The following RBFOX1 variants were observed in gnomAD, a reference collection of about 807,000 sequenced individuals.
RBFOX1 encodes the protein RNA binding fox-1 homolog 1.
RBFOX1 carries 8 observed loss-of-function variants against 57.7 expected under a neutral mutation model. That is an observed-to-expected ratio of 0.14 (90% CI 0.08 to 0.25). RBFOX1 has a LOEUF of 0.25. RBFOX1 is among the 10% of genes least tolerant of loss of function. The probability of loss-of-function intolerance (pLI) is 1.00; values close to 1 mark genes in which losing one functional copy is unlikely to be tolerated. For synonymous variants in RBFOX1, 326 were observed against 222.4 expected, an observed-to-expected ratio of 1.47 and a Z score of -4.15; for missense variants, 611 against 548.5, an observed-to-expected ratio of 1.11 and a Z score of -1.14.
chr16:5,996,323 C>T (rs1049179976), intron 4 of RBFOX1, among the ~76,000 whole-genome samples: 1 of 152,166 alleles, frequency 6.6e-6, no homozygotes, highest in African/African-American at 2.4e-5. Flanking sequence ...GAAGGCATGC[C>T]TCTGATTTGA....
intron 4 of RBFOX1, among the ~76,000 whole-genome samples, chr16:7,306,839 T>C (rs1409157141): frequency 1.3e-5 from 2 of 152,138 alleles, no homozygotes; most frequent in Non-Finnish European, 2.9e-5. Flanking sequence ...GAGTGTGAAA[T>C]AGTTTAATCT....
At chr16:7,499,776 C>T (rs2070041188) in intron 4 of RBFOX1, among the ~76,000 whole-genome samples, 2 of 152,052 alleles carry the variant, frequency 1.3e-5, no homozygotes, top group Non-Finnish European at 2.9e-5. Flanking sequence ...TAATGTCGAT[C>T]AGCCTCAGTT....
At chr16:6,028,381 A>C (rs1317666819) in intron 1 of RBFOX1, among the ~76,000 whole-genome samples, 1 of 152,006 alleles carries the variant, frequency 6.6e-6, no homozygotes, top group Admixed American at 6.6e-5. Flanking sequence ...CCTCTCTTTA[A>C]GAACATGATG....
chr16:6,297,166 A>C (rs560888372), intron 1 of RBFOX1, among the ~76,000 whole-genome samples: 6 of 152,204 alleles, frequency 3.9e-5, no homozygotes, highest in Non-Finnish European at 7.4e-5. Context: ...TCGTTTTGGT[A>C]GGTTTTGGCC....
chr16:5,269,953 C>T (rs974404951), intron 1 of RBFOX1, among the ~76,000 whole-genome samples: 3 of 152,020 alleles, frequency 2.0e-5, no homozygotes, highest in Non-Finnish European at 2.9e-5. Flanking sequence ...CCAGGAGTTC[C>T]AGGCCAGCGT....
At chr16:6,346,229 G>T (rs2085344229) in intron 2 of RBFOX1, among the ~76,000 whole-genome samples, 1 of 152,076 alleles carries the variant, frequency 6.6e-6, no homozygotes, top group Non-Finnish European at 1.5e-5. Context: ...CCAATAATGA[G>T]CCCAAAACAA....
Position 7,264,918 on chromosome 16 carries a change from C to G in RBFOX1, c.27+212820C>G, listed in dbSNP as rs547882983. On this transcript the variant is annotated intron_variant, in intron 4 of 15. Coordinates refer to ENST00000550418, the MANE Select transcript of RBFOX1 (RefSeq NM_018723.4). ...CCAGTCCACCTTCCCACAGAAAGAT[C>G]CATCAGGCCAAGAGTCCAACACTTT... Among the ~76,000 whole-genome samples the G allele has an allele frequency of 2.0e-5, 3 of 152,316 alleles. No individual in the cohort carries two copies. In the South Asian group the frequency reaches 6.2e-4, roughly 32 times the overall value.
intron 4 of RBFOX1, among the ~76,000 whole-genome samples, chr16:5,948,041 C>T (rs576129630): frequency 6.6e-6 from 1 of 152,154 alleles, no homozygotes; most frequent in Non-Finnish European, 1.5e-5. Flanking sequence ...AGAACCAACG[C>T]TGCTCAGGAG....
At chr16:5,890,299 G>A (rs1265389407) in intron 4 of RBFOX1, among the ~76,000 whole-genome samples, 3 of 152,176 alleles carry the variant, frequency 2.0e-5, no homozygotes, top group African/African-American at 7.2e-5. Context: ...CCTCTTTCAT[G>A]TTGACTGACT....
chr16:7,102,300 A>G (rs1003260367), intron 4 of RBFOX1, among the ~76,000 whole-genome samples: 2 of 152,194 alleles, frequency 1.3e-5, no homozygotes, highest in African/African-American at 4.8e-5. Context: ...TCCATAGACT[A>G]TTGGATTCCC....
intron 1 of RBFOX1, among the ~76,000 whole-genome samples, chr16:5,408,145 C>T (rs1378561081): frequency 6.6e-6 from 1 of 152,152 alleles, no homozygotes. Context: ...CAAGGTGGTG[C>T]ATTTTCAGCT....
chr16:6,601,486 A>G (rs543090390), intron 2 of RBFOX1, among the ~76,000 whole-genome samples: 5 of 152,218 alleles, frequency 3.3e-5, no homozygotes, highest in African/African-American at 1.2e-4. Context: ...GGAACTCTAC[A>G]TACAAGAAGC....
chr16:7,069,952 C>T (rs2056978447), intron 4 of RBFOX1, among the ~76,000 whole-genome samples: 2 of 152,216 alleles, frequency 1.3e-5, no homozygotes, highest in South Asian at 2.1e-4. Flanking sequence ...TAATGAGAAA[C>T]ACCATAGCCT....
chr16:6,921,438 G>T (rs896931990), intron 3 of RBFOX1, among the ~76,000 whole-genome samples: 19 of 152,046 alleles, frequency 1.2e-4, no homozygotes, highest in African/African-American at 3.6e-4. Context: ...CCGTAAGTCT[G>T]AGATTGGTGG....
rs368100613 is a variant in RBFOX1 at position 5,251,581 on chromosome 16, A to G, written c.219+11476A>G. Among the ~76,000 whole-genome samples, 47 of 152,322 alleles carry G rather than the reference A, an allele frequency of 3.1e-4. No individual in the cohort carries two copies. In the East Asian group the frequency reaches 6.8e-3, roughly 22 times the overall value. On this transcript the variant is annotated intron_variant, in intron 1 of 2. Coordinates refer to the RBFOX1 transcript ENST00000585867. ...AAAGAAGTGGGGCTTCTCAGACATA[A>G]CATACTATCTAATTACTTTTATATT...
At chr16:7,189,205 C>T (rs932525155) in intron 4 of RBFOX1, among the ~76,000 whole-genome samples, 2 of 151,874 alleles carry the variant, frequency 1.3e-5, no homozygotes, top group Non-Finnish European at 2.9e-5. Context: ...GTAGGTAGAT[C>T]ATGAGGTCAG....
chr16:5,935,232 G>A (rs1017529197), intron 4 of RBFOX1, among the ~76,000 whole-genome samples: 1 of 152,198 alleles, frequency 6.6e-6, no homozygotes, highest in Non-Finnish European at 1.5e-5. Context: ...CTATAGTGAG[G>A]TTAACAGATC....
At chr16:5,467,433 C>A (rs2068988650) in intron 2 of RBFOX1, among the ~76,000 whole-genome samples, 1 of 152,142 alleles carries the variant, frequency 6.6e-6, no homozygotes, top group Non-Finnish European at 1.5e-5. Flanking sequence ...AGGGAAGGCT[C>A]ATGAGATCAA....
chr16:7,278,371 A>G (rs1213415795), intron 4 of RBFOX1, among the ~76,000 whole-genome samples: 4 of 152,196 alleles, frequency 2.6e-5, no homozygotes, highest in East Asian at 1.9e-4. Flanking sequence ...AGATCAAAAT[A>G]TCTACATAAA....
Sources: allele counts gnomAD v4.1 joint callset (sites outside exome capture counted in the v4.1 genomes callset), GRCh38; gene constraint gnomAD v4.1.1; transcripts MANE v1.5; gene names NCBI Gene and HGNC (gene_info 2026-07-23, HGNC 2026-07-21).